Variants in ATP9B observed in about 807,000 individuals in gnomAD.
ATP9B encodes probable phospholipid-transporting ATPase IIB.
Under a neutral mutation model 146.1 loss-of-function variants are expected in ATP9B, and 110 were observed. That is an observed-to-expected ratio of 0.75 (90% CI 0.65 to 0.88). The LOEUF (loss-of-function observed/expected upper bound fraction) is 0.88, where lower values mean the gene tolerates loss of function less well. Among genes scored for constraint, ATP9B ranks in the 40% least tolerant of loss-of-function variants. The pLI is 0.00. For missense variants in ATP9B, 1,499 were observed against 1,496.4 expected, an observed-to-expected ratio of 1.00 and a Z score of -0.03; for synonymous variants, 604 against 569.7, an observed-to-expected ratio of 1.06 and a Z score of -0.86.
intron 5 of ATP9B, among the ~76,000 whole-genome samples, chr18:79,138,958 C>T (rs752836663): frequency 2.6e-5 from 4 of 152,106 alleles, no homozygotes; most frequent in South Asian, 2.1e-4. Context: ...GTCCCATCTA[C>T]TCCAGAGGCT....
rs1424102002 is a variant in ATP9B, at chr18:79,284,133, A to T, written c.1411+6937A>T. On this transcript the variant is annotated intron_variant, in intron 13 of 29. Coordinates refer to ENST00000426216, the MANE Select transcript of ATP9B (RefSeq NM_198531.5). ...TCATGAAGGGGAAAGCTGTTTTCCC[A>T]GTTTGTAAGGGCAGGCAAGCATGAC... Among the ~76,000 whole-genome samples the T allele has an allele frequency of 2.0e-5, 3 of 152,350 alleles. No individual in the cohort carries two copies. In the East Asian group the frequency reaches 5.8e-4, roughly 29 times the overall value.
intron 1 of ATP9B, among the ~76,000 whole-genome samples, chr18:79,079,963 G>A (rs909831916): frequency 2.0e-5 from 3 of 152,174 alleles, no homozygotes; most frequent in Non-Finnish European, 1.5e-5. Flanking sequence ...TTTTCGATGT[G>A]TGGCGTTATT....
At position 79,239,917 on chromosome 18, in the gene ATP9B, T is replaced by C. The variant is rs1490528348; in HGVS notation, c.1108-13464T>C. Among the ~76,000 whole-genome samples the C allele has an allele frequency of 6.6e-6, 1 of 152,222 alleles. No homozygotes were observed. Among genetic ancestry groups the C allele is most frequent in the Non-Finnish European group, 1.5e-5 (1 of 68,044 alleles). On this transcript the variant is annotated intron_variant, in intron 11 of 29. Coordinates refer to ENST00000426216, the MANE Select transcript of ATP9B (RefSeq NM_198531.5). This position sits in a 1 kb window ranked among gnomAD's most constrained non-coding sequence, Gnocchi z 5.1. ...CCAAAGGATGAGCGGAGAGGCTTGC[T>C]CTGCCTGCGTCCCCATCAGCGGTGA...
intron 1 of ATP9B, among the ~76,000 whole-genome samples, chr18:79,076,365 C>T (rs765248718): frequency 6.6e-6 from 1 of 152,128 alleles, no homozygotes; most frequent in Non-Finnish European, 1.5e-5. Flanking sequence ...TCTTTGTTTT[C>T]CTTCATCTGA....
intron 1 of ATP9B, among the ~76,000 whole-genome samples, chr18:79,080,004 A>C (rs1304828103): frequency 6.6e-6 from 1 of 152,206 alleles, no homozygotes; most frequent in African/African-American, 2.4e-5. Flanking sequence ...ACATTGGTCT[A>C]TAACTCTGTT....
At chr18:79,158,817 T>C (rs1319669275) in intron 7 of ATP9B, among the ~76,000 whole-genome samples, 1 of 152,220 alleles carries the variant, frequency 6.6e-6, no homozygotes, top group Non-Finnish European at 1.5e-5. Context: ...TCTGCTCCTG[T>C]TGAGTGGAAT....
chr18:79,374,775 T>C (rs1438842534), intron 28 of ATP9B, among the ~76,000 whole-genome samples: 1 of 152,250 alleles, frequency 6.6e-6, no homozygotes, highest in Non-Finnish European at 1.5e-5. Flanking sequence ...AATGGTTATT[T>C]TCAAGTTATA....
At chr18:79,297,092 A>ACGACCCAGAGAGGAGACACAGG (rs2096555948) in intron 13 of ATP9B, among the ~76,000 whole-genome samples, 1 of 150,052 alleles carries the variant, frequency 6.7e-6, no homozygotes, top group Non-Finnish European at 1.5e-5. Flanking sequence ...GGAGACACAG[A>ACGACCCAGAGAGGAGACACAGG]CGACCCAGAG....
At chr18:79,291,291 G>A (rs1013398963) in intron 13 of ATP9B, among the ~76,000 whole-genome samples, 5 of 152,068 alleles carry the variant, frequency 3.3e-5, no homozygotes, top group African/African-American at 1.2e-4. Flanking sequence ...CTCTCTGGCT[G>A]CATTCATTCC....
Position 79,126,301 on chromosome 18 carries a change from C to G in ATP9B, c.593C>G (p.Ala198Gly). 3 of 1,612,250 alleles carry G rather than the reference C, an allele frequency of 1.9e-6. No individual in the cohort carries two copies. Among genetic ancestry groups the G allele is most frequent in the Non-Finnish European group, 2.5e-6 (3 of 1,178,770 alleles). ...TTGGCTGTTACTATGACACGGGAAG[C>G]AATTGATGAATTTCGGCGTTTTCAG... is the stretch of plus-strand genomic sequence containing the variant. ...FVLAVTMTRE[A>G]IDEFRRFQRD... Residue 198 changes from alanine (A) to glycine (G), a missense_variant, in exon 5 of 30, where the codon GCA becomes GGA. Ala to Gly is a moderately conservative substitution (Grantham distance 60). Transcript: ENST00000426216.
At chr18:79,083,072 G>T (rs1568379919) in intron 1 of ATP9B, among the ~76,000 whole-genome samples, 2 of 152,200 alleles carry the variant, frequency 1.3e-5, no homozygotes, top group Non-Finnish European at 2.9e-5. Flanking sequence ...CCCTGACTGG[G>T]GCAGCTGCCT....
At chr18:79,173,488 A>G (rs201977011) in intron 7 of ATP9B, among the ~76,000 whole-genome samples, 2 of 150,810 alleles carry the variant, frequency 1.3e-5, no homozygotes, top group African/African-American at 4.9e-5. Context: ...GTTGTGAGTT[A>G]ATTACTGTAT....
At chr18:79,200,577 C>T (rs1037991936) in intron 9 of ATP9B, among the ~76,000 whole-genome samples, 1 of 152,144 alleles carries the variant, frequency 6.6e-6, no homozygotes, top group African/African-American at 2.4e-5. Context: ...AAAAAGGCAA[C>T]TCATAAAATA....
At chr18:79,213,772 TTTTTCAAAGTCCA>T (rs2095603848) in intron 10 of ATP9B, among the ~76,000 whole-genome samples, 177 bp from the exon 11 acceptor site, 1 of 152,164 alleles carries the variant, frequency 6.6e-6, no homozygotes, top group African/African-American at 2.4e-5. Context: ...ATCATTTGAC[TTTTTCAAAGTCCA>T]TTTTTAAAGT....
At chr18:79,136,995 ACCTCCCACCGGGTC>A (rs1266829070) in intron 5 of ATP9B, among the ~76,000 whole-genome samples, 1 of 152,038 alleles carries the variant, frequency 6.6e-6, no homozygotes, top group Non-Finnish European at 1.5e-5. Flanking sequence ...TGATTCATTT[ACCTCCCACCGGGTC>A]CCTCCCACAA....
At chr18:79,269,949 C>G in intron 12 of ATP9B, among the ~76,000 whole-genome samples, 1 of 152,348 alleles carries the variant, frequency 6.6e-6, no homozygotes, top group South Asian at 2.1e-4. Context: ...CTAAGCTTTT[C>G]TAACCTTGAA....
At chr18:79,234,603 C>T (rs1476667181) in intron 11 of ATP9B, among the ~76,000 whole-genome samples, 1 of 147,920 alleles carries the variant, frequency 6.8e-6, no homozygotes, top group Non-Finnish European at 1.5e-5. Context: ...TTGCTGTGGG[C>T]CTGCTTGCTG....
chr18:79,309,449 A>G lies in ATP9B; in HGVS notation c.1773+2215A>G, dbSNP rs865824055. Among the ~76,000 whole-genome samples, 80 of 147,256 alleles carry G rather than the reference A, an allele frequency of 5.4e-4. No individual in the cohort carries two copies. The East Asian group carries it at 0.017, about 32-fold the overall frequency. ...CAGGGGTGGAGGAGTGATCCCCAGC[A>G]GGTAGAAGGTCAGGGGTTGAGGAGT... On this transcript the variant is annotated intron_variant, in intron 15 of 29. Coordinates refer to ENST00000426216, the MANE Select transcript of ATP9B (RefSeq NM_198531.5).
intron 25 of ATP9B, 58 bp downstream of exon 25, chr18:79,348,254 A>G (rs201867566): frequency 0.32 from 347,021 of 1,089,778 alleles, 33,319 homozygotes; most frequent in Middle Eastern, 0.4. Context: ...TTTTGAAAAA[A>G]AAAAAAAAAA....
Sources: gnomAD v4.1 joint callset for allele counts (sites outside exome capture counted in the v4.1 genomes callset) on GRCh38, gnomAD v4.1.1 for gene constraint, Gnocchi (gnomAD v3.1) non-coding constraint, MANE v1.5 for transcripts, NCBI Gene and HGNC (gene_info 2026-07-23, HGNC 2026-07-21) for gene names.